Variants in CENPF observed in about 807,000 individuals in gnomAD.
CENPF encodes the protein AH antigen.
CENPF carries 214 observed loss-of-function variants against 307.3 expected under a neutral mutation model. That is an observed-to-expected ratio of 0.70 (90% CI 0.62 to 0.78). The LOEUF (loss-of-function observed/expected upper bound fraction) is 0.78. Among genes scored for constraint, CENPF ranks in the 30% least tolerant of loss-of-function variants. The pLI, the probability that CENPF is intolerant of heterozygous loss-of-function variation, is 0.00. For missense variants in CENPF, 3,401 were observed against 3,483.9 expected (o/e 0.98, Z 0.60); for synonymous variants, 1,259 against 1,270.6 (o/e 0.99, Z 0.19).
At chr1:214,633,346 G>A (rs1335849551) in intron 10 of CENPF, among the ~76,000 whole-genome samples, 1 of 152,140 alleles carries the variant, frequency 6.6e-6, no homozygotes, top group African/African-American at 2.4e-5. Context: ...ATTTTAAAGG[G>A]CTTAATTAAG....
chr1:214,661,703 G>A lies in CENPF; in HGVS notation c.9142-1888G>A, dbSNP rs186438444. Among the ~76,000 whole-genome samples the A allele has an allele frequency of 1.5e-3, 222 of 152,314 alleles. 1 individual carries two copies. Among genetic ancestry groups the A allele is most frequent in the African/African-American group, 5.3e-3 (219 of 41,584 alleles). On this transcript the variant is annotated intron_variant, in intron 19 of 19. Coordinates refer to ENST00000366955, the MANE Select transcript of CENPF (RefSeq NM_016343.4). ...AACCTGGGCTTTGTGATCAGTTCCAGAGGACTGGCCAGTAAGCTGTAGAGC... is the reference window on the plus strand; with the variant it reads ...AACCTGGGCTTTGTGATCAGTTCCAAAGGACTGGCCAGTAAGCTGTAGAGC...
Position 214,622,199 on chromosome 1 carries a change from T to A in CENPF, c.986T>A (p.Leu329Ter). ...QLQLEKAKVELIEKEKVLNKC... is the reference protein window; with the variant it reads ...QLQLEKAKVE ...CAACTGGAGAAAGCAAAAGTGGAAT[T>A]AATTGAAAAAGAGAAAGTTTTGAAC... The change falls in exon 7 of 20, where the codon TTA (leucine) becomes TAA (stop). Residue 329 changes from leucine (L) to a stop codon, truncating the protein, a stop_gained. Coordinates refer to ENST00000366955, the MANE Select transcript of CENPF (RefSeq NM_016343.4). LOFTEE classifies it high-confidence loss of function. The A allele has an allele frequency of 6.2e-7, 1 of 1,614,038 alleles. No individual in the cohort carries two copies. The highest frequency in any genetic ancestry group is 8.5e-7 in the Non-Finnish European group (1 of 1,179,976).
chr1:214,652,246 A>G (rs549143678), intron 15 of CENPF, among the ~76,000 whole-genome samples: 22 of 151,228 alleles, frequency 1.5e-4, no homozygotes, highest in Admixed American at 7.9e-4. Context: ...TGTGTTAGCC[A>G]GGATGGTCTC....
chr1:214,606,665 C>G (rs139223975), intron 1 of CENPF, among the ~76,000 whole-genome samples: 1 of 151,962 alleles, frequency 6.6e-6, no homozygotes, highest in Non-Finnish European at 1.5e-5. Context: ...GTCGTGGCTG[C>G]GGAGGTGGCA....
Position 214,645,683 on chromosome 1 carries a change from A to T in CENPF, c.6113A>T (p.Gln2038Leu). 1.9e-6 allele frequency: 3 copies of T among 1,614,204 alleles called. No homozygotes were observed. The highest frequency in any genetic ancestry group is 1.3e-5 in the African/African-American group (1 of 75,072). ...KDKTHLQEKL[Q>L]SLEKDSQALS... ...AAAACTCATCTCCAGGAAAAGCTGC[A>T]GAGTTTGGAAAAGGACTCACAGGCA... The change falls in exon 13 of 20, where the codon CAG becomes CTG. Residue 2038 changes from glutamine (Q) to leucine (L), a missense_variant. Gln to Leu is a moderately radical substitution (Grantham distance 113, BLOSUM62 -2). Coordinates refer to ENST00000366955, the MANE Select transcript of CENPF (RefSeq NM_016343.4).
chr1:214,650,999 G>A (rs78720635), intron 14 of CENPF, among the ~76,000 whole-genome samples: 5 of 152,318 alleles, frequency 3.3e-5, no homozygotes, highest in African/African-American at 7.2e-5. Context: ...CTTAGATGTC[G>A]ATTGAGATGA....
chr1:214,652,756 C>T (rs982789447), intron 15 of CENPF, 72 bp from the exon 16 acceptor site: 2 of 1,375,642 alleles, frequency 1.5e-6, no homozygotes, highest in Non-Finnish European at 2.0e-6. Context: ...TTTTGTTTTT[C>T]TGACTATTTT....
intron 1 of CENPF, chr1:214,608,565 C>A: frequency 1.2e-6 from 2 of 1,610,586 alleles, no homozygotes; most frequent in Non-Finnish European, 1.7e-6. Context: ...GGCGGGCGCT[C>A]TTGGTGGGGA....
intron 3 of CENPF, among the ~76,000 whole-genome samples, chr1:214,616,196 G>A (rs1207630334): frequency 6.6e-6 from 1 of 151,916 alleles, no homozygotes; most frequent in Non-Finnish European, 1.5e-5. Flanking sequence ...TTCTTCTTAG[G>A]GGGAAGAAGA....
chr1:214,619,196 A>T lies in CENPF; in HGVS notation c.549A>T (p.Ala183=), dbSNP rs762679372. Residue 183 remains alanine (A), a synonymous_variant, in exon 5 of 20, where the codon GCA becomes GCT. Coordinates refer to ENST00000366955, the MANE Select transcript of CENPF (RefSeq NM_016343.4). ...TTGAAGAACGAAAAAGATTAGAGGC[A>T]GAGGTTAAAGCCTTGCAGGCTAAAG... ...KEVEERKRLE[A]EVKALQAKKA... The T allele has an allele frequency of 6.3e-7, 1 of 1,582,246 alleles. No homozygotes were observed. The highest frequency in any genetic ancestry group is 8.7e-7 in the Non-Finnish European group (1 of 1,153,984).
At position 214,637,897 on chromosome 1, in the gene CENPF, GTCAC is replaced by G. The variant is rs1658005490; in HGVS notation, c.1481_1484del (p.His494LeufsTer22). The G allele has an allele frequency of 6.2e-7, 1 of 1,612,796 alleles. No homozygotes were observed. Among genetic ancestry groups the G allele is most frequent in the South Asian group, 1.1e-5 (1 of 90,776 alleles). Reference sequence around the variant, plus strand: ...AAGAAGGAAAACAACCTCCTTAAGAGTCACTCTGAGCAAAAGGCCAGAGAAGTCT... The same window carrying G: ...AAGAAGGAAAACAACCTCCTTAAGAGTCTGAGCAAAAGGCCAGAGAAGTCT... On this transcript the variant is annotated frameshift_variant, in exon 11 of 20. Coordinates refer to ENST00000366955, the MANE Select transcript of CENPF (RefSeq NM_016343.4). LOFTEE classifies it high-confidence loss of function.
At chr1:214,619,693 G>A (rs1449160132) in intron 5 of CENPF, among the ~76,000 whole-genome samples, 1 of 152,108 alleles carries the variant, frequency 6.6e-6, no homozygotes, top group Non-Finnish European at 1.5e-5. Context: ...CTAAACATAA[G>A]GACTTGATGA....
intron 19 of CENPF, among the ~76,000 whole-genome samples, chr1:214,663,267 A>G (rs1250939465): frequency 6.6e-6 from 1 of 152,204 alleles, no homozygotes; most frequent in African/African-American, 2.4e-5. Context: ...CAACAGAGGC[A>G]GGTTTTTCAC....
intron 13 of CENPF, 37 bp downstream of exon 13, chr1:214,647,437 T>C (rs1345440038): frequency 6.5e-7 from 1 of 1,545,418 alleles, no homozygotes; most frequent in African/African-American, 1.4e-5. Flanking sequence ...AAATATGTAG[T>C]CATGAGGCAG....
At position 214,620,951 on chromosome 1, in the gene CENPF, C is replaced by T; in HGVS notation, c.865+5C>T. 4 of 1,591,584 alleles carry T rather than the reference C, an allele frequency of 2.5e-6. No homozygotes were observed. Among genetic ancestry groups the T allele is most frequent in the Non-Finnish European group, 3.4e-6 (4 of 1,170,328 alleles). On this transcript the variant is annotated splice_donor_5th_base_variant and intron_variant, in intron 6 of 19. Transcript: ENST00000366955. Reference sequence around the variant, plus strand: ...AATTAAAAGCGCAGAATCAAGGTAACATTGAGCTAAGTTAAGTTTAAATTC... The same window carrying T: ...AATTAAAAGCGCAGAATCAAGGTAATATTGAGCTAAGTTAAGTTTAAATTC...
rs555193833 is a variant in CENPF, at chr1:214,645,206, G to C, written c.5636G>C (p.Arg1879Pro). Residue 1879 changes from arginine to proline, a missense_variant, in exon 13 of 20, where the codon CGT (arginine) becomes CCT (proline). Coordinates refer to ENST00000366955, the MANE Select transcript of CENPF (RefSeq NM_016343.4). ...GAAATGCATGCAGATAAATCATCAC[G>C]TGAAGATATTGGAGATAATGTGGCC... The part of the protein sequence containing the change: ...DLEMHADKSS[R>P]EDIGDNVAKV... 1 of 1,614,006 alleles carries C rather than the reference G, an allele frequency of 6.2e-7. No individual in the cohort carries two copies. The highest frequency in any genetic ancestry group is 8.5e-7 in the Non-Finnish European group (1 of 1,179,992).
intron 1 of CENPF, among the ~76,000 whole-genome samples, chr1:214,606,305 G>A (rs371173903): frequency 1.4e-5 from 2 of 145,116 alleles, no homozygotes; most frequent in Non-Finnish European, 3.1e-5. Flanking sequence ...TGGCGCTGCC[G>A]TTCCCTGGCG....
intron 16 of CENPF, 177 bp downstream of exon 16, chr1:214,653,166 T>C (rs1176986626): frequency 3.1e-6 from 2 of 635,480 alleles, no homozygotes; most frequent in African/African-American, 3.6e-5. Flanking sequence ...GTGGGTCATC[T>C]ACAGTCTCAT....
At position 214,614,905 on chromosome 1, in the gene CENPF, T is replaced by G; in HGVS notation, c.236T>G (p.Leu79Arg). The G allele has an allele frequency of 6.2e-7, 1 of 1,610,866 alleles. No individual in the cohort carries two copies. Among genetic ancestry groups the G allele is most frequent in the East Asian group, 2.2e-5 (1 of 44,700 alleles). ...NQRLMEICESLEKTKQKISHE... is the reference protein window; with the variant it reads ...NQRLMEICESREKTKQKISHE... ...AGATTGATGGAAATATGTGAAAGTC[T>G]GGAGAAAACTAAGCAGAAGATTTCT... The change falls in exon 3 of 20, where the codon CTG becomes CGG. Residue 79 changes from leucine (L) to arginine (R), a missense_variant. Physicochemically the swap from Leu to Arg is moderately radical, Grantham distance 102. Transcript: ENST00000366955.
Sources: allele counts gnomAD v4.1 joint callset (sites outside exome capture counted in the v4.1 genomes callset), GRCh38; gene constraint gnomAD v4.1.1; transcripts MANE v1.5; gene names NCBI Gene and HGNC (gene_info 2026-07-23, HGNC 2026-07-21).